The following CADM1 variants were observed in gnomAD, a reference collection of about 807,000 sequenced individuals.
The protein encoded by CADM1 is TSLC-1.
Under a neutral mutation model 53.1 loss-of-function variants are expected in CADM1, and 15 were observed. The ratio of observed to expected loss-of-function variants is 0.28; its 90% CI spans 0.19 to 0.44. The LOEUF (loss-of-function observed/expected upper bound fraction) is 0.44, where lower values mean the gene tolerates loss of function less well. CADM1 is among the 20% of genes least tolerant of loss of function. The pLI is 1.00. For synonymous variants in CADM1, 281 were observed against 243.0 expected (o/e 1.16, Z -1.45); for missense variants, 434 against 611.3 (o/e 0.71, Z 3.06).
At chr11:115,329,862 C>T (rs535753297) in intron 1 of CADM1, among the ~76,000 whole-genome samples, 1 of 151,386 alleles carries the variant, frequency 6.6e-6, no homozygotes, top group Non-Finnish European at 1.5e-5. Flanking sequence ...GGAGTTTGAC[C>T]ATTCCATGGA....
chr11:115,286,596 G>A (rs949651237), intron 1 of CADM1, among the ~76,000 whole-genome samples: 10 of 152,158 alleles, frequency 6.6e-5, no homozygotes, highest in Non-Finnish European at 1.3e-4. Flanking sequence ...TTTACAATAA[G>A]TGCCTGCTTC....
At chr11:115,330,456 T>C (rs1177757210) in intron 1 of CADM1, among the ~76,000 whole-genome samples, 1 of 152,182 alleles carries the variant, frequency 6.6e-6, no homozygotes, top group African/African-American at 2.4e-5. Context: ...TGATTTCATT[T>C]CTTTTTTACA....
chr11:115,253,827 T>C (rs1432906780), intron 1 of CADM1, among the ~76,000 whole-genome samples: 1 of 152,232 alleles, frequency 6.6e-6, no homozygotes, highest in Non-Finnish European at 1.5e-5. Context: ...CAAATCGTTA[T>C]GTGTCTCAGT....
At chr11:115,315,347 A>C (rs754869525) in intron 1 of CADM1, among the ~76,000 whole-genome samples, 18 of 152,222 alleles carry the variant, frequency 1.2e-4, no homozygotes, top group Non-Finnish European at 2.5e-4. Context: ...ACACATTTTC[A>C]TTGTGGAGAA....
intron 5 of CADM1, among the ~76,000 whole-genome samples, chr11:115,226,601 T>C (rs920199482): frequency 1.3e-5 from 2 of 152,158 alleles, no homozygotes; most frequent in African/African-American, 4.8e-5. Flanking sequence ...AGGAATCTCA[T>C]GTATTCGAGT....
At chr11:115,378,169 T>G (rs2135145407) in intron 1 of CADM1, among the ~76,000 whole-genome samples, 1 of 152,212 alleles carries the variant, frequency 6.6e-6, no homozygotes, top group African/African-American at 2.4e-5. Context: ...AATTCAAACC[T>G]GGGATCAATT....
At chr11:115,341,018 G>A (rs748236176) in intron 1 of CADM1, among the ~76,000 whole-genome samples, 1 of 151,914 alleles carries the variant, frequency 6.6e-6, no homozygotes, top group Non-Finnish European at 1.5e-5. Flanking sequence ...TCTCTAAAAT[G>A]TAATATATTT....
intron 1 of CADM1, among the ~76,000 whole-genome samples, chr11:115,477,877 A>G (rs552806518): frequency 1.3e-5 from 2 of 152,368 alleles, no homozygotes; most frequent in African/African-American, 4.8e-5. Flanking sequence ...AGAAAATTGC[A>G]TCCAGATGAA....
At chr11:115,432,963 T>A (rs1189660521) in intron 1 of CADM1, among the ~76,000 whole-genome samples, 1 of 152,204 alleles carries the variant, frequency 6.6e-6, no homozygotes, top group African/African-American at 2.4e-5. Context: ...CACAACCAGG[T>A]GAACAAAAGG....
In CADM1 at chr11:115,176,505, T is replaced by G; in HGVS notation, c.1385A>C (p.Asn462Thr). ...AIINAEGGQN[N>T]SEEKKEYFI ...GAAGTACTCTTTCTTTTCTTCGGAG[T>G]TGTTCTGTCCTCCTTCTGCATTGAT... Residue 462 changes from asparagine (N) to threonine (T), a missense_variant, in exon 12 of 12, where the codon AAC becomes ACC. Transcript: ENST00000331581. 1 of 1,613,956 alleles carries G rather than the reference T, an allele frequency of 6.2e-7. No individual in the cohort carries two copies. The highest frequency in any genetic ancestry group is 8.5e-7 in the Non-Finnish European group (1 of 1,179,944).
chr11:115,503,187 G>A (rs1486559665), intron 1 of CADM1, among the ~76,000 whole-genome samples: 1 of 152,210 alleles, frequency 6.6e-6, no homozygotes, highest in Non-Finnish European at 1.5e-5. Context: ...TCTCCGCTGA[G>A]GAAGAGCTCC....
intron 1 of CADM1, among the ~76,000 whole-genome samples, chr11:115,282,040 G>C (rs956898628): frequency 6.6e-6 from 1 of 152,248 alleles, no homozygotes; most frequent in African/African-American, 2.4e-5. Context: ...GAAAATGTTT[G>C]TCTAGATTTA....
At chr11:115,382,411 T>A (rs1946601609) in intron 1 of CADM1, among the ~76,000 whole-genome samples, 1 of 152,156 alleles carries the variant, frequency 6.6e-6, no homozygotes. Flanking sequence ...GCTGTGCAGA[T>A]CAAGAATGAG....
intron 1 of CADM1, among the ~76,000 whole-genome samples, chr11:115,293,372 G>C (rs1452221962): frequency 6.6e-6 from 1 of 152,168 alleles, no homozygotes; most frequent in Non-Finnish European, 1.5e-5. Flanking sequence ...GGCGGAGCTT[G>C]CAGTGAGCGG....
At chr11:115,432,836 C>A (rs1482524284) in intron 1 of CADM1, among the ~76,000 whole-genome samples, 1 of 152,176 alleles carries the variant, frequency 6.6e-6, no homozygotes, top group Non-Finnish European at 1.5e-5. Context: ...AAACAAGAGT[C>A]TATCGGCTTA....
intron 1 of CADM1, among the ~76,000 whole-genome samples, chr11:115,425,118 A>T (rs1565420588): frequency 6.6e-6 from 1 of 152,214 alleles, no homozygotes; most frequent in Non-Finnish European, 1.5e-5. Context: ...ATTATTATAG[A>T]TGAAACGATA....
Position 115,408,815 on chromosome 11 carries a change from T to G in CADM1, c.124+95456A>C, listed in dbSNP as rs1349793295. On this transcript the variant is annotated intron_variant, in intron 1 of 11. Transcript: ENST00000331581. ...GGGGAGATGTTGGCCAGAAAAATACTTATTCCAACAGAAAAGTTACATTTT... is the reference window on the plus strand; with the variant it reads ...GGGGAGATGTTGGCCAGAAAAATACGTATTCCAACAGAAAAGTTACATTTT... Among the ~76,000 whole-genome samples, 7 of 152,172 alleles carry G rather than the reference T, an allele frequency of 4.6e-5. No individual in the cohort carries two copies. In the East Asian group the frequency reaches 1.3e-3, roughly 29 times the overall value.
intron 1 of CADM1, among the ~76,000 whole-genome samples, chr11:115,364,993 G>A (rs1025375818): frequency 1.3e-5 from 2 of 152,104 alleles, no homozygotes; most frequent in Non-Finnish European, 2.9e-5. Flanking sequence ...AGATGTTTAT[G>A]GAAAAACGTG....
chr11:115,472,550 TTAAC>T (rs1450055108), intron 1 of CADM1, among the ~76,000 whole-genome samples: 9 of 152,226 alleles, frequency 5.9e-5, no homozygotes, highest in African/African-American at 2.2e-4. Context: ...TAATCAGAAA[TTAAC>T]TAAATATGAC....
Sources: allele counts gnomAD v4.1 joint callset (sites outside exome capture counted in the v4.1 genomes callset), GRCh38; gene constraint gnomAD v4.1.1; transcripts MANE v1.5; gene names NCBI Gene and HGNC (gene_info 2026-07-23, HGNC 2026-07-21).